POFUT3: variants seen among roughly 807,000 people sequenced by gnomAD.
The protein encoded by POFUT3 is protein O-fucosyltransferase 3, also known as GDP-fucose protein O-fucosyltransferase 3.
the POFUT3 span, among the ~76,000 whole-genome samples, chr8:33,435,023 A>G: frequency 3.3e-5 from 5 of 152,302 alleles, no homozygotes; most frequent in African/African-American, 1.2e-4. Context: ...AACTTTGATC[A>G]ATCAACAACA....
chr8:33,404,192 C>A, the POFUT3 span, among the ~76,000 whole-genome samples: 1 of 151,954 alleles, frequency 6.6e-6, no homozygotes, highest in Admixed American at 6.6e-5. Flanking sequence ...ACAAAAATTA[C>A]TCAGGTGTGG....
chr8:33,424,245 T>C, the POFUT3 span, among the ~76,000 whole-genome samples: 1 of 152,116 alleles, frequency 6.6e-6, no homozygotes, highest in African/African-American at 2.4e-5. Context: ...TGTAACTCTC[T>C]CAGCCATGAC....
chr8:33,355,644 A>G, the POFUT3 span, among the ~76,000 whole-genome samples: 2 of 151,996 alleles, frequency 1.3e-5, no homozygotes, highest in African/African-American at 4.8e-5. Flanking sequence ...ATCATCTCAG[A>G]CAATAACAAC....
chr8:33,359,640 A>C, the POFUT3 span, among the ~76,000 whole-genome samples: 12 of 152,306 alleles, frequency 7.9e-5, no homozygotes, highest in South Asian at 2.5e-3. Flanking sequence ...AGAAGTTTAA[A>C]ATTTCACCCC....
the POFUT3 span, chr8:33,453,327 G>A: frequency 1.9e-6 from 3 of 1,614,058 alleles, no homozygotes; most frequent in East Asian, 2.2e-5. Flanking sequence ...CCCGTCAGCG[G>A]GGACCACCAG....
the POFUT3 span, among the ~76,000 whole-genome samples, chr8:33,446,772 C>T: frequency 6.6e-6 from 1 of 152,134 alleles, no homozygotes; most frequent in Non-Finnish European, 1.5e-5. Flanking sequence ...CATGAATCTC[C>T]TATGTAGGTC....
the POFUT3 span, among the ~76,000 whole-genome samples, chr8:33,412,778 C>T: frequency 6.6e-6 from 1 of 152,280 alleles, no homozygotes; most frequent in African/African-American, 2.4e-5. Flanking sequence ...CAGGCGTGCA[C>T]CATCATACCC....
the POFUT3 span, among the ~76,000 whole-genome samples, chr8:33,357,102 G>A: frequency 5.6e-4 from 86 of 152,310 alleles, no homozygotes; most frequent in African/African-American, 2.0e-3. Context: ...ACGTCAGGTA[G>A]CATGATGCCT....
At chr8:33,465,427 TATAGAG>T in the POFUT3 span, among the ~76,000 whole-genome samples, 204 of 93,000 alleles carry the variant, frequency 2.2e-3, 2 homozygotes, top group African/African-American at 9.4e-3. Context: ...TACATATATA[TATAGAG>T]AGAGAGAGAG....
At chr8:33,442,706 C>T in the POFUT3 span, among the ~76,000 whole-genome samples, 11 of 152,148 alleles carry the variant, frequency 7.2e-5, no homozygotes, top group South Asian at 6.2e-4. Context: ...GCAATCTGCC[C>T]GCCTTGGCCT....
the POFUT3 span, among the ~76,000 whole-genome samples, chr8:33,424,768 G>A: frequency 2.6e-5 from 4 of 152,076 alleles, no homozygotes; most frequent in East Asian, 3.9e-4. Context: ...AGATAAACTA[G>A]AGGCCTCTAC....
chr8:33,348,928 T>C, the POFUT3 span, among the ~76,000 whole-genome samples: 1 of 152,042 alleles, frequency 6.6e-6, no homozygotes, highest in Non-Finnish European at 1.5e-5. Context: ...AGCTAGAGAG[T>C]GTTTCGTTTA....
At chr8:33,453,104 T>C in the POFUT3 span, 1 of 989,598 alleles carries the variant, frequency 1.0e-6, no homozygotes, top group Non-Finnish European at 1.5e-6. Context: ...AAATCAGGGG[T>C]GTCAAAGTGT....
chr8:33,396,897 T>A, the POFUT3 span, among the ~76,000 whole-genome samples: 1 of 152,226 alleles, frequency 6.6e-6, no homozygotes, highest in Non-Finnish European at 1.5e-5. Context: ...ATAAAGACTT[T>A]CTTTTTGCTA....
the POFUT3 span, among the ~76,000 whole-genome samples, chr8:33,379,741 C>T: frequency 6.7e-6 from 1 of 148,480 alleles, no homozygotes; most frequent in Non-Finnish European, 1.5e-5. Context: ...GATGCTGAGG[C>T]AGGATAATTG....
the POFUT3 span, among the ~76,000 whole-genome samples, chr8:33,324,104 G>A: frequency 5.3e-5 from 8 of 152,116 alleles, no homozygotes; most frequent in East Asian, 1.5e-3. Context: ...ACTCCCCAGA[G>A]GTTTCCATCC....
At chr8:33,349,495 C>T in the POFUT3 span, among the ~76,000 whole-genome samples, 8 of 152,146 alleles carry the variant, frequency 5.3e-5, no homozygotes, top group East Asian at 1.9e-4. Flanking sequence ...TTTGCATCCT[C>T]ATAGCTTAGC....
chr8:33,398,571 T>C, the POFUT3 span, among the ~76,000 whole-genome samples: 1 of 152,194 alleles, frequency 6.6e-6, no homozygotes. Context: ...GTCAAGATCT[T>C]TTCCTCTTCC....
the POFUT3 span, among the ~76,000 whole-genome samples, chr8:33,393,394 C>T: frequency 6.6e-6 from 1 of 152,172 alleles, no homozygotes; most frequent in African/African-American, 2.4e-5. Context: ...ATCTTTGGCA[C>T]TAATGTGCAC....
Sources: allele counts gnomAD v4.1 joint callset (sites outside exome capture counted in the v4.1 genomes callset), GRCh38; gene constraint gnomAD v4.1.1; transcripts MANE v1.5; gene names NCBI Gene and HGNC (gene_info 2026-07-23, HGNC 2026-07-21).